The following AP3B1 variants were observed in gnomAD, a reference collection of about 807,000 sequenced individuals.
AP3B1 encodes adaptor related protein complex 3 subunit beta 1.
In AP3B1, 61 loss-of-function variants were observed where a neutral mutation model predicts 132.5. That is an observed-to-expected ratio of 0.46 (90% CI 0.37 to 0.57). The LOEUF is 0.57. Ranked by LOEUF, AP3B1 falls within the 20% of genes least tolerant of loss-of-function variation. The pLI is 0.00. For missense variants in AP3B1, 1,120 were observed against 1,289.4 expected (o/e 0.87, Z 2.01); for synonymous variants, 388 against 438.3 (o/e 0.89, Z 1.43).
At chr5:78,267,148 T>C (rs1748355199) in intron 2 of AP3B1, among the ~76,000 whole-genome samples, 1 of 151,966 alleles carries the variant, frequency 6.6e-6, no homozygotes, top group South Asian at 2.1e-4. Flanking sequence ...TCAGAACATT[T>C]AGGCTGTGAA....
intron 2 of AP3B1, among the ~76,000 whole-genome samples, chr5:78,257,901 T>C (rs1199462307): frequency 6.6e-6 from 1 of 151,884 alleles, no homozygotes; most frequent in Non-Finnish European, 1.5e-5. Context: ...GCGAAGAGCA[T>C]ACACTGAGGA....
At chr5:78,036,980 A>G (rs1312581801) in intron 23 of AP3B1, among the ~76,000 whole-genome samples, 3 of 152,190 alleles carry the variant, frequency 2.0e-5, no homozygotes, top group African/African-American at 7.2e-5. Context: ...AGAACTCTGT[A>G]TCTTGAAGGC....
chr5:78,267,657 A>G (rs1418813802), intron 1 of AP3B1, 62 bp from the exon 2 acceptor site: 9 of 1,012,166 alleles, frequency 8.9e-6, no homozygotes, highest in Non-Finnish European at 1.4e-5. Flanking sequence ...AGCTTAAAAT[A>G]TATCATTTTC....
At chr5:78,222,799 A>G (rs150910394) in intron 6 of AP3B1, among the ~76,000 whole-genome samples, 61 of 152,264 alleles carry the variant, frequency 4.0e-4, no homozygotes, top group Middle Eastern at 3.4e-3. Flanking sequence ...TTGATTTACC[A>G]TACATTAAAA....
chr5:78,161,608 C>G (rs937655813), intron 13 of AP3B1, among the ~76,000 whole-genome samples: 1 of 151,810 alleles, frequency 6.6e-6, no homozygotes, highest in Non-Finnish European at 1.5e-5. Context: ...GAATGGATGA[C>G]GTTTATCATC....
intron 10 of AP3B1, 36 bp from the exon 11 acceptor site, chr5:78,175,733 G>C: frequency 1.9e-6 from 3 of 1,584,086 alleles, no homozygotes; most frequent in Non-Finnish European, 2.6e-6. Flanking sequence ...ATACATTATG[G>C]TACTAATGTG....
At chr5:78,176,471 G>C (rs1744152192) in intron 9 of AP3B1, among the ~76,000 whole-genome samples, 1 of 152,142 alleles carries the variant, frequency 6.6e-6, no homozygotes, top group Non-Finnish European at 1.5e-5. Context: ...TACAATTGTG[G>C]ACTAAGTTCC....
intron 21 of AP3B1, among the ~76,000 whole-genome samples, chr5:78,094,036 T>C (rs1166320765): frequency 4.6e-5 from 7 of 152,246 alleles, no homozygotes; most frequent in Non-Finnish European, 8.8e-5. Flanking sequence ...TGAAGTATGA[T>C]TATTGTTGGC....
chr5:78,105,151 T>C (rs1241182894), intron 20 of AP3B1, among the ~76,000 whole-genome samples: 1 of 152,134 alleles, frequency 6.6e-6, no homozygotes, highest in Non-Finnish European at 1.5e-5. Context: ...TAAATTACAA[T>C]CATAATTTAA....
Position 78,089,397 on chromosome 5 carries a change from A to G in AP3B1, c.2573T>C (p.Ile858Thr). 6.2e-7 allele frequency: 1 copy of G among 1,604,230 alleles called. No homozygotes were observed. The highest frequency in any genetic ancestry group is 8.5e-7 in the Non-Finnish European group (1 of 1,171,160). ...GLHLSTSSSV[I>T]SVSTPAFVPT... is the part of the protein sequence containing the mutation. ...TGGATTTTAAAAATAACTTACACTG[A>G]TGACTGAAGAGGAAGTTGACAAGTG... The change falls in exon 22 of 27, where the codon ATC becomes ACC. Residue 858 changes from isoleucine to threonine, a missense_variant. Physicochemically the swap from Ile to Thr is moderately conservative, Grantham distance 89. Around this residue, in one of 3 missense-constraint regions of AP3B1, gnomAD observed 906 missense variants for 997.1 expected, o/e 0.91. Coordinates refer to ENST00000255194, the MANE Select transcript of AP3B1 (RefSeq NM_003664.5).
At position 78,274,383 on chromosome 5, in the gene AP3B1, G is replaced by A. The variant is rs1246282703; in HGVS notation, c.129-6788C>T. Among the ~76,000 whole-genome samples, 9 of 150,590 alleles carry A rather than the reference G, an allele frequency of 6.0e-5. No homozygotes were observed. In the East Asian group the frequency reaches 1.6e-3, roughly 26 times the overall value. Reference sequence around the variant, plus strand: ...AAAAGAATGGAAAAAATAGAACAGAGCATCAGAGGCATATGAGATAAAGGT... The same window carrying A: ...AAAAGAATGGAAAAAATAGAACAGAACATCAGAGGCATATGAGATAAAGGT... On this transcript the variant is annotated intron_variant, in intron 1 of 26. Transcript: ENST00000255194.
chr5:78,179,669 G>A (rs1293561961), intron 8 of AP3B1, among the ~76,000 whole-genome samples: 1 of 152,038 alleles, frequency 6.6e-6, no homozygotes, highest in Non-Finnish European at 1.5e-5. Context: ...TGTTAGAATA[G>A]CCTCCTAACA....
At chr5:78,243,045 C>T (rs1302590136) in intron 2 of AP3B1, among the ~76,000 whole-genome samples, 19 of 152,126 alleles carry the variant, frequency 1.2e-4, no homozygotes. Flanking sequence ...CTTATAAGAA[C>T]TTTCTATATG....
rs114302307 is a variant in AP3B1, at chr5:78,059,809, C to G, written c.2578-20535G>C. On this transcript the variant is annotated intron_variant, in intron 22 of 26. Transcript: ENST00000255194. ...ATTAAATTGAGGCTTCAATTTAATG[C>G]ACTGCTTATTATCTAAGACTCCCTC... Among the ~76,000 whole-genome samples the G allele has an allele frequency of 2.0e-3, 310 of 152,198 alleles. 1 individual carries two copies. Among genetic ancestry groups the G allele is most frequent in the African/African-American group, 6.9e-3 (287 of 41,532 alleles).
chr5:78,225,691 A>C, intron 5 of AP3B1, 83 bp from the exon 6 acceptor site: 1 of 861,064 alleles, frequency 1.2e-6, no homozygotes, highest in Non-Finnish European at 1.9e-6. Context: ...GATGTTGAGA[A>C]ATTTTTAAAG....
At chr5:78,142,419 T>A (rs1326277294) in intron 14 of AP3B1, among the ~76,000 whole-genome samples, 2 of 152,196 alleles carry the variant, frequency 1.3e-5, no homozygotes, top group Non-Finnish European at 2.9e-5. Context: ...CAGCTATCAT[T>A]AAAAGGTGGC....
chr5:78,082,263 C>G (rs1750046223), intron 22 of AP3B1, among the ~76,000 whole-genome samples: 1 of 152,176 alleles, frequency 6.6e-6, no homozygotes, highest in Non-Finnish European at 1.5e-5. Context: ...AATCCTTCCT[C>G]CTATAGTCTA....
Position 78,294,515 on chromosome 5 carries a change from T to A in AP3B1, c.65A>T (p.Gln22Leu), listed in dbSNP as rs1302695682. 9.3e-6 allele frequency: 15 copies of A among 1,614,244 alleles called. No individual in the cohort carries two copies. In the East Asian group the frequency reaches 3.1e-4, roughly 34 times the overall value. The change falls in exon 1 of 27, where the codon CAG (glutamine) becomes CTG (leucine). Residue 22 changes from glutamine (Q) to leucine (L), a missense_variant. Around this residue, in one of 3 missense-constraint regions of AP3B1, gnomAD observed 85 missense variants for 79.9 expected, o/e 1.06. Transcript: ENST00000255194. Reference sequence around the variant, plus strand: ...GGGGGAAATGGTTGAGGTCGCCTCCTGACCCAGCTCCGTCGCCTCCCCTCC... The same window carrying A: ...GGGGGAAATGGTTGAGGTCGCCTCCAGACCCAGCTCCGTCGCCTCCCCTCC... Reference protein sequence around the residue: ...SGGGEATELGQEATSTISPSG... With the variant: ...SGGGEATELGLEATSTISPSG...
At chr5:78,253,619 A>G (rs1747728220) in intron 2 of AP3B1, among the ~76,000 whole-genome samples, 1 of 152,196 alleles carries the variant, frequency 6.6e-6, no homozygotes, top group African/African-American at 2.4e-5. Flanking sequence ...AGAATTCAAA[A>G]TAGCTGTCTT....
Sources: allele counts gnomAD v4.1 joint callset (sites outside exome capture counted in the v4.1 genomes callset), GRCh38; gene constraint gnomAD v4.1.1; regional missense constraint gnomAD v4.1.1; transcripts MANE v1.5; gene names NCBI Gene and HGNC (gene_info 2026-07-23, HGNC 2026-07-21).